Variants in CSMD1 observed in about 807,000 individuals in gnomAD.
CSMD1 encodes CUB and Sushi multiple domains 1, also known as CUB and sushi domain-containing protein 1.
In CSMD1, 213 loss-of-function variants were observed where a neutral mutation model predicts 417.5. The observed-to-expected ratio is 0.51, with a 90% CI of 0.46 to 0.57. The LOEUF is 0.57. Among genes scored for constraint, CSMD1 ranks in the 20% least tolerant of loss-of-function variants. The probability of loss-of-function intolerance (pLI) is 0.00; values close to 1 mark genes in which losing one functional copy is unlikely to be tolerated. For synonymous variants in CSMD1, 2,862 were observed against 1,736.8 expected, an observed-to-expected ratio of 1.65 and a Z score of -16.11; for missense variants, 6,923 against 4,529.7, an observed-to-expected ratio of 1.53 and a Z score of -15.17.
chr8:3,773,213 C>T (rs1798711586), intron 5 of CSMD1, among the ~76,000 whole-genome samples: 1 of 152,204 alleles, frequency 6.6e-6, no homozygotes, highest in South Asian at 2.1e-4. Flanking sequence ...CATGTACTCA[C>T]ATAATCTGTC....
intron 5 of CSMD1, among the ~76,000 whole-genome samples, chr8:3,792,052 G>C (rs192284508): frequency 6.6e-6 from 1 of 152,256 alleles, no homozygotes; most frequent in East Asian, 1.9e-4. Context: ...CAACCTCAAA[G>C]TTTAACCAAA....
intron 68 of CSMD1, among the ~76,000 whole-genome samples, chr8:2,947,075 C>G (rs549487115): frequency 1.6e-4 from 25 of 152,266 alleles, no homozygotes; most frequent in African/African-American, 5.5e-4. Context: ...TTATTTGCCT[C>G]TGTATTATTG....
chr8:3,111,548 T>C (rs867716652), intron 42 of CSMD1, among the ~76,000 whole-genome samples: 18 of 152,124 alleles, frequency 1.2e-4, no homozygotes, highest in Middle Eastern at 3.4e-3. Flanking sequence ...AATGGGACCA[T>C]AGGCTGGGCA....
In CSMD1 at chr8:3,389,460, G is replaced by C. The variant is rs113942139; in HGVS notation, c.2594-1778C>G. On this transcript the variant is annotated intron_variant, in intron 17 of 69. Transcript: ENST00000635120. ...AATCAAGACAAGAATTCCCTCAAAAGAAGAAGCTCTGCTGAAGAAATGCAC... is the reference window on the plus strand; with the variant it reads ...AATCAAGACAAGAATTCCCTCAAAACAAGAAGCTCTGCTGAAGAAATGCAC... 1.1e-3 allele frequency among the ~76,000 whole-genome samples: 170 copies of C among 151,612 alleles called. 1 individual carries two copies. Among genetic ancestry groups the C allele is most frequent in the African/African-American group, 4.0e-3 (166 of 41,486 alleles).
chr8:3,041,369 G>A (rs532173777), intron 50 of CSMD1, among the ~76,000 whole-genome samples: 6 of 152,158 alleles, frequency 3.9e-5, no homozygotes, highest in African/African-American at 1.4e-4. Context: ...CTTGTTCTCT[G>A]ATCCCAAACA....
At chr8:4,723,110 C>T (rs1019280045) in intron 1 of CSMD1, among the ~76,000 whole-genome samples, 1 of 152,128 alleles carries the variant, frequency 6.6e-6, no homozygotes, top group Non-Finnish European at 1.5e-5. Context: ...ATATATCTGA[C>T]TTGTACACCT....
chr8:3,898,526 A>C (rs1807515677), intron 5 of CSMD1, among the ~76,000 whole-genome samples: 1 of 152,238 alleles, frequency 6.6e-6, no homozygotes, highest in Admixed American at 6.5e-5. Context: ...AGTCTGTCAT[A>C]TCTTTGGGTT....
At chr8:3,763,659 T>G (rs1531741) in intron 5 of CSMD1, among the ~76,000 whole-genome samples, 1 of 152,036 alleles carries the variant, frequency 6.6e-6, no homozygotes, top group Non-Finnish European at 1.5e-5. Flanking sequence ...TATATAGCAC[T>G]GCAAAACACA....
intron 23 of CSMD1, among the ~76,000 whole-genome samples, chr8:3,337,501 T>C (rs1353095352): frequency 6.6e-6 from 1 of 152,134 alleles, no homozygotes; most frequent in African/African-American, 2.4e-5. Flanking sequence ...CAGTCTTGCC[T>C]AAACAATGAG....
At chr8:4,601,901 A>C (rs1398314255) in intron 2 of CSMD1, among the ~76,000 whole-genome samples, 2 of 152,190 alleles carry the variant, frequency 1.3e-5, no homozygotes, top group Non-Finnish European at 2.9e-5. Flanking sequence ...AACCGTCTAC[A>C]TAGAGTGTGA....
chr8:3,846,333 T>A (rs1803500996), intron 5 of CSMD1, among the ~76,000 whole-genome samples: 1 of 152,202 alleles, frequency 6.6e-6, no homozygotes, highest in Admixed American at 6.5e-5. Context: ...CCAACCACCT[T>A]TATTTACATG....
intron 5 of CSMD1, among the ~76,000 whole-genome samples, chr8:3,800,500 C>T (rs1240614845): frequency 6.6e-6 from 1 of 152,090 alleles, no homozygotes; most frequent in Non-Finnish European, 1.5e-5. Context: ...GGATCCCTAC[C>T]TCACACCATA....
At chr8:4,405,514 G>A (rs551433619) in intron 3 of CSMD1, among the ~76,000 whole-genome samples, 5 of 151,864 alleles carry the variant, frequency 3.3e-5, no homozygotes, top group Non-Finnish European at 5.9e-5. Flanking sequence ...CCAGCACAGC[G>A]GCTTAACAAA....
chr8:4,099,760 T>A lies in CSMD1; in HGVS notation c.416-67661A>T, dbSNP rs558737438. The stretch of plus-strand genomic sequence containing the variant: ...CTTAAAACTAGAACCTCTTCCTGAG[T>A]TAATCTCCCAGCCACTTCCCTTATG... On this transcript the variant is annotated intron_variant, in intron 3 of 69. Transcript: ENST00000635120. Among the ~76,000 whole-genome samples the A allele has an allele frequency of 4.6e-5, 7 of 152,312 alleles. No individual in the cohort carries two copies. In the East Asian group the frequency reaches 9.7e-4, roughly 21 times the overall value.
chr8:4,039,944 T>C (rs1405161042), intron 3 of CSMD1, among the ~76,000 whole-genome samples: 6 of 152,214 alleles, frequency 3.9e-5, no homozygotes, highest in East Asian at 1.9e-4. Context: ...CTTGGGTTTA[T>C]TATAGAGAAT....
chr8:3,073,078 TA>T, intron 49 of CSMD1, among the ~76,000 whole-genome samples: 1 of 152,348 alleles, frequency 6.6e-6, no homozygotes, highest in Non-Finnish European at 1.5e-5. Context: ...TTCTTAAAGT[TA>T]GTTAAAATGA....
chr8:3,033,954 C>G (rs4372026), intron 50 of CSMD1, among the ~76,000 whole-genome samples: 76,362 of 151,934 alleles, frequency 0.5, 19,627 homozygotes, highest in Non-Finnish European at 0.57. Flanking sequence ...AGCCTTGCTT[C>G]AGCCCATCGC....
chr8:3,329,242 C>A (rs1486971923), intron 23 of CSMD1, among the ~76,000 whole-genome samples: 1 of 152,018 alleles, frequency 6.6e-6, no homozygotes, highest in Non-Finnish European at 1.5e-5. Context: ...GGAAAGTGGT[C>A]ATTGACAGCA....
chr8:3,222,181 G>A (rs1256509994), intron 28 of CSMD1, among the ~76,000 whole-genome samples: 2 of 152,096 alleles, frequency 1.3e-5, no homozygotes, highest in African/African-American at 4.8e-5. Context: ...GAGATTATCT[G>A]TTTCAAACTT....
Sources: allele counts gnomAD v4.1 joint callset (sites outside exome capture counted in the v4.1 genomes callset), GRCh38; gene constraint gnomAD v4.1.1; transcripts MANE v1.5; gene names NCBI Gene and HGNC (gene_info 2026-07-23, HGNC 2026-07-21).